KIF6: variants seen among roughly 807,000 people sequenced by gnomAD.
The protein encoded by KIF6 is kinesin-like protein KIF6.
Under a neutral mutation model 112.7 loss-of-function variants are expected in KIF6, and 106 were observed. The ratio of observed to expected loss-of-function variants is 0.94; its 90% CI spans 0.80 to 1.11. The LOEUF (loss-of-function observed/expected upper bound fraction) is 1.11, where lower values mean the gene tolerates loss of function less well. KIF6 is among the 50% of genes least tolerant of loss of function. KIF6 has a pLI of 0.00. For synonymous variants in KIF6, 339 were observed against 339.9 expected (o/e 1.00, Z 0.03); for missense variants, 929 against 964.0 (o/e 0.96, Z 0.48).
chr6:39,337,670 C>T (rs1390981907), intron 22 of KIF6, among the ~76,000 whole-genome samples: 1 of 152,030 alleles, frequency 6.6e-6, no homozygotes, highest in Non-Finnish European at 1.5e-5. Flanking sequence ...CTTGCTTTTT[C>T]CTCCAGATAT....
At chr6:39,673,741 A>G (rs1347147386) in intron 3 of KIF6, among the ~76,000 whole-genome samples, 1 of 152,244 alleles carries the variant, frequency 6.6e-6, no homozygotes. Flanking sequence ...GGAAATATTG[A>G]CAGATTTTCC....
At chr6:39,434,407 C>CA (rs5875673) in intron 13 of KIF6, among the ~76,000 whole-genome samples, 4,957 of 132,154 alleles carry the variant, frequency 0.038, 98 homozygotes, top group African/African-American at 0.044. Context: ...TACTAAAATA[C>CA]AAAAAAAAAA....
chr6:39,496,076 C>A (rs984824504), intron 13 of KIF6, among the ~76,000 whole-genome samples: 4 of 152,214 alleles, frequency 2.6e-5, no homozygotes, highest in Non-Finnish European at 5.9e-5. Flanking sequence ...TTTCCTCAAG[C>A]TGCCAGCCTG....
intron 6 of KIF6, among the ~76,000 whole-genome samples, chr6:39,610,591 C>T (rs776671637): frequency 2.0e-5 from 3 of 152,202 alleles, no homozygotes; most frequent in Non-Finnish European, 4.4e-5. Context: ...TAATCCAAAA[C>T]ATGCTTTTTT....
At chr6:39,436,214 T>C (rs1189059003) in intron 13 of KIF6, among the ~76,000 whole-genome samples, 1 of 151,880 alleles carries the variant, frequency 6.6e-6, no homozygotes, top group Admixed American at 6.6e-5. Context: ...GGATTATTTG[T>C]TTTTTTTCTT....
rs1357153658 is a variant in KIF6, at chr6:39,420,260, T to C, written c.1755-257A>G. Reference sequence around the variant, plus strand: ...TCTCTCATTTATGACTTTTAATTTATATTATTTCATGATGCAAAGATATCA... The same window carrying C: ...TCTCTCATTTATGACTTTTAATTTACATTATTTCATGATGCAAAGATATCA... On this transcript the variant is annotated intron_variant, in intron 14 of 22. Coordinates refer to ENST00000287152, the MANE Select transcript of KIF6 (RefSeq NM_145027.6). Among the ~76,000 whole-genome samples the C allele has an allele frequency of 3.9e-5, 6 of 152,394 alleles. No individual in the cohort carries two copies. The East Asian group carries it at 1.2e-3, about 29-fold the overall frequency.
intron 4 of KIF6, among the ~76,000 whole-genome samples, chr6:39,635,511 T>C (rs1164375345): frequency 2.6e-5 from 4 of 152,130 alleles, no homozygotes; most frequent in African/African-American, 7.2e-5. Flanking sequence ...TAGTCAGGTA[T>C]GAGTGGACAT....
At chr6:39,508,607 T>G (rs1327390814) in intron 13 of KIF6, among the ~76,000 whole-genome samples, 2 of 152,204 alleles carry the variant, frequency 1.3e-5, no homozygotes, top group African/African-American at 4.8e-5. Flanking sequence ...CCTTTCTCGC[T>G]GCTAGTGTAG....
At position 39,685,326 on chromosome 6, in the gene KIF6, G is replaced by A. The variant is rs555217673; in HGVS notation, c.251+29366C>T. ...CAGTAGAGCTCTGACTACAGTAACA[G>A]GAGGGAGGCCAAGGAATTAGGTGCA... On this transcript the variant is annotated intron_variant, in intron 3 of 22. Transcript: ENST00000287152. Among the ~76,000 whole-genome samples the A allele has an allele frequency of 2.0e-3, 299 of 152,296 alleles. 1 individual carries two copies. The highest frequency in any genetic ancestry group is 6.3e-3 in the African/African-American group (260 of 41,562).
At chr6:39,550,781 G>T (rs1779331109) in intron 10 of KIF6, among the ~76,000 whole-genome samples, 1 of 152,130 alleles carries the variant, frequency 6.6e-6, no homozygotes, top group Non-Finnish European at 1.5e-5. Context: ...AAATCATTTT[G>T]CCACTTAAAG....
chr6:39,509,446 A>G (rs1489339167), intron 13 of KIF6, among the ~76,000 whole-genome samples: 2 of 152,232 alleles, frequency 1.3e-5, no homozygotes, highest in Non-Finnish European at 2.9e-5. Flanking sequence ...GCTAAGAAGC[A>G]TGTTCTAATC....
chr6:39,575,395 C>T (rs1035136464), intron 10 of KIF6, among the ~76,000 whole-genome samples: 5 of 152,010 alleles, frequency 3.3e-5, no homozygotes, highest in Admixed American at 6.5e-5. Context: ...CTCAGCCTCC[C>T]GAGTAGCTGG....
intron 12 of KIF6, among the ~76,000 whole-genome samples, chr6:39,542,882 AAGTGC>A (rs1778864293): frequency 6.6e-6 from 1 of 152,192 alleles, no homozygotes; most frequent in African/African-American, 2.4e-5. Context: ...GTATGAATTG[AAGTGC>A]AGTATTCTTT....
At chr6:39,501,063 G>A (rs1181216569) in intron 13 of KIF6, among the ~76,000 whole-genome samples, 1 of 152,114 alleles carries the variant, frequency 6.6e-6, no homozygotes, top group African/African-American at 2.4e-5. Context: ...ACTGATCAGG[G>A]AAACAACTAG....
chr6:39,708,467 G>A (rs1458350502), intron 3 of KIF6, among the ~76,000 whole-genome samples: 1 of 152,142 alleles, frequency 6.6e-6, no homozygotes, highest in Admixed American at 6.5e-5. Context: ...AACCTCATTG[G>A]CCTTATTGTA....
At chr6:39,555,302 C>T (rs568074074) in intron 10 of KIF6, among the ~76,000 whole-genome samples, 1 of 152,280 alleles carries the variant, frequency 6.6e-6, no homozygotes, top group East Asian at 1.9e-4. Context: ...GCAGCCCGGC[C>T]AGCCCAATGT....
At chr6:39,654,398 A>T (rs986878342) in intron 3 of KIF6, among the ~76,000 whole-genome samples, 2 of 152,122 alleles carry the variant, frequency 1.3e-5, no homozygotes, top group African/African-American at 4.8e-5. Flanking sequence ...AAACTCTTCC[A>T]GCTGAATTCT....
intron 6 of KIF6, among the ~76,000 whole-genome samples, chr6:39,602,968 T>G (rs1481798148): frequency 6.6e-6 from 1 of 152,208 alleles, no homozygotes; most frequent in Non-Finnish European, 1.5e-5. Flanking sequence ...ATATAGACAG[T>G]CATTAATATC....
intron 5 of KIF6, among the ~76,000 whole-genome samples, chr6:39,620,795 G>A (rs766743686): frequency 2.2e-5 from 3 of 138,420 alleles, no homozygotes; most frequent in Non-Finnish European, 4.6e-5. Context: ...TTGAGGCAGA[G>A]TCTTCCACTG....
Sources: gnomAD v4.1 joint callset for allele counts (sites outside exome capture counted in the v4.1 genomes callset) on GRCh38, gnomAD v4.1.1 for gene constraint, MANE v1.5 for transcripts, NCBI Gene and HGNC (gene_info 2026-07-23, HGNC 2026-07-21) for gene names.